The following WDR6 variants were observed in gnomAD, a reference collection of about 807,000 sequenced individuals.
WDR6 encodes tRNA (34-2'-O)-methyltransferase regulator WDR6.
Under a neutral mutation model 85.6 loss-of-function variants are expected in WDR6, and 58 were observed. The ratio of observed to expected loss-of-function variants is 0.68; its 90% CI spans 0.55 to 0.84. The LOEUF (loss-of-function observed/expected upper bound fraction) is 0.84. WDR6 is among the 40% of genes least tolerant of loss of function. The pLI, the probability that WDR6 is intolerant of heterozygous loss-of-function variation, is 0.00. For missense variants in WDR6, 1,310 were observed against 1,476.4 expected (o/e 0.89, Z 1.85); for synonymous variants, 569 against 582.2 (o/e 0.98, Z 0.33).
chr3:49,007,599 C>A lies in WDR6; in HGVS notation c.100+68C>A. On this transcript the variant is annotated intron_variant, in intron 1 of 5. Coordinates refer to ENST00000608424, the MANE Select transcript of WDR6 (RefSeq NM_018031.6). The surrounding 1 kb of genome is among the most constrained non-coding windows in gnomAD (Gnocchi z 5.1). ...AAACAGCGCCTCCCAGGGGCGGTGC[C>A]ACAGGGACAAAAGGGGTGCCCTGAG... 1 of 1,507,738 alleles carries A rather than the reference C, an allele frequency of 6.6e-7. No homozygotes were observed. Among genetic ancestry groups the A allele is most frequent in the Non-Finnish European group, 8.9e-7 (1 of 1,121,194 alleles). The allele number at this position is 1,507,738 out of a possible 1,614,324, so 93.4% of individuals were successfully genotyped here.
Position 49,015,416 on chromosome 3 carries a change from T to C in WDR6, c.*128T>C, listed in dbSNP as rs184448425. 2 of 1,415,024 alleles carry C rather than the reference T, an allele frequency of 1.4e-6. No homozygotes were observed. Among genetic ancestry groups the C allele is most frequent in the East Asian group, 2.3e-5 (1 of 43,488 alleles). The allele number at this position is 1,415,024 out of a possible 1,614,324, so 87.7% of individuals were successfully genotyped here. A position where few individuals can be genotyped will look rare whatever the true frequency, so the allele number is the denominator to read the frequency against. On this transcript the variant is annotated 3_prime_UTR_variant, in exon 6 of 6. Transcript: ENST00000608424. ...GGAGGTGGTGGCCGTGGGTTCCTGA[T>C]GTCGGTGCAGGAGCTGAAGGTGAGT...
At chr3:49,011,368 C>T (rs1045945941) in intron 1 of WDR6, 240 of 1,258,158 alleles carry the variant, frequency 1.9e-4, no homozygotes, top group Non-Finnish European at 2.4e-4. Context: ...CGTGAGCCAC[C>T]GTGCCTGGCC....
intron 1 of WDR6, among the ~76,000 whole-genome samples, chr3:49,009,786 G>T (rs1303313500): frequency 6.6e-6 from 1 of 150,974 alleles, no homozygotes; most frequent in Non-Finnish European, 1.5e-5. Context: ...GGAGTGCAGT[G>T]GTGCAATCTC....
rs2093058236 is a variant in WDR6 at position 49,015,869 on chromosome 3, A to G, written c.*581A>G. 1.9e-6 allele frequency: 3 copies of G among 1,614,182 alleles called. No homozygotes were observed. Among genetic ancestry groups the G allele is most frequent in the Non-Finnish European group, 1.7e-6 (2 of 1,180,038 alleles). Reference sequence around the variant, plus strand: ...ATGCTGAGCTGTACCAGGAACTTGCATATCTAGAGACAGAGACTGAGTCAC... The same window carrying G: ...ATGCTGAGCTGTACCAGGAACTTGCGTATCTAGAGACAGAGACTGAGTCAC... On this transcript the variant is annotated 3_prime_UTR_variant, in exon 6 of 6. Transcript: ENST00000608424.
Position 49,013,134 on chromosome 3 carries a change from G to A in WDR6, c.1600G>A (p.Ala534Thr), listed in dbSNP as rs750163545. 3 of 1,607,930 alleles carry A rather than the reference G, an allele frequency of 1.9e-6. No individual in the cohort carries two copies. In the African/African-American group the frequency reaches 4.0e-5, roughly 21 times the overall value. ...LLKDPGVGGKARAGAGAPVVG... is the reference protein window; with the variant it reads ...LLKDPGVGGKTRAGAGAPVVG... ...CAAGGACCCTGGGGTGGGAGGCAAGGCTCGGGCTGGTGCTGGGGCACCTGT... is the reference window on the plus strand; with the variant it reads ...CAAGGACCCTGGGGTGGGAGGCAAGACTCGGGCTGGTGCTGGGGCACCTGT... The change falls in exon 2 of 6, where the codon GCT becomes ACT. Residue 534 changes from alanine (A) to threonine (T), a missense_variant. Ala to Thr is a moderately conservative substitution (Grantham distance 58). Transcript: ENST00000608424. This position sits in a 1 kb window ranked among gnomAD's most constrained non-coding sequence, Gnocchi z 4.6.
chr3:49,007,802 C>A lies in WDR6; in HGVS notation c.100+271C>A, dbSNP rs1020739164. ...GGGCGGGTGGAACCGCGGGAGGGTG[C>A]AGGGGAACGCGGCCGCGCGGAGGCG... On this transcript the variant is annotated intron_variant, in intron 1 of 5. Coordinates refer to ENST00000608424, the MANE Select transcript of WDR6 (RefSeq NM_018031.6). The surrounding 1 kb of genome is among the most constrained non-coding windows in gnomAD (Gnocchi z 5.1). The A allele has an allele frequency of 1.1e-6, 1 of 880,424 alleles. No homozygotes were observed. Among genetic ancestry groups the A allele is most frequent in the Non-Finnish European group, 1.5e-6 (1 of 666,768 alleles). The allele number at this position is 880,424 out of a possible 1,614,324, so 54.5% of individuals were successfully genotyped here.
chr3:49,013,404 G>C lies in WDR6; in HGVS notation c.1870G>C (p.Asp624His). The C allele has an allele frequency of 6.2e-7, 1 of 1,614,218 alleles. No individual in the cohort carries two copies. The highest frequency in any genetic ancestry group is 8.5e-7 in the Non-Finnish European group (1 of 1,180,026). The change falls in exon 2 of 6, where the codon GAT (aspartate) becomes CAT (histidine). Residue 624 changes from aspartate (D) to histidine (H), a missense_variant. Asp to His is a moderately conservative substitution (Grantham distance 81). Transcript: ENST00000608424. This position sits in a 1 kb window ranked among gnomAD's most constrained non-coding sequence, Gnocchi z 4.6. The stretch of plus-strand genomic sequence containing the variant: ...GCTAGCTGGGCTCCGTATAGTGCCC[G>C]ATGGGAGCATGGTTATCCTGGGTTT... ...NWLAGLRIVP[D>H]GSMVILGFHA...
In WDR6 at chr3:49,011,923, C is replaced by T. The variant is rs754956554; in HGVS notation, c.389C>T (p.Ala130Val). The T allele has an allele frequency of 2.5e-6, 4 of 1,614,216 alleles. No individual in the cohort carries two copies. In the South Asian group the frequency reaches 4.4e-5, roughly 18 times the overall value. The part of the protein sequence containing the change: ...WDARWLEGNI[A>V]LALGHNSVVL... ...GCACGCTGGCTTGAGGGAAATATAG[C>T]CTTGGCCCTGGGCCACAACTCAGTG... Residue 130 changes from alanine to valine, a missense_variant, in exon 2 of 6, where the codon GCC (alanine) becomes GTC (valine). Ala to Val is a moderately conservative substitution (Grantham distance 64). Transcript: ENST00000608424.
rs746530208 is a variant in WDR6, at chr3:49,012,092, C to T, written c.558C>T (p.Val186=). The T allele has an allele frequency of 1.9e-6, 3 of 1,613,910 alleles. No homozygotes were observed. Among genetic ancestry groups the T allele is most frequent in the Non-Finnish European group, 1.7e-6 (2 of 1,180,034 alleles). ...VAGAVSNQLL[V]WYPATALADN... is the part of the protein sequence containing the mutation. ...GTGCTGTTTCCAACCAGCTCTTGGT[C>T]TGGTACCCAGCAACTGCCTTAGCAG... The change falls in exon 2 of 6, where the codon GTC becomes GTT. Residue 186 remains valine, a synonymous_variant. Transcript: ENST00000608424. This position sits in a 1 kb window ranked among gnomAD's most constrained non-coding sequence, Gnocchi z 4.4.
chr3:49,008,132 G>A (rs1052335140), intron 1 of WDR6: 1 of 152,486 alleles, frequency 6.6e-6, no homozygotes, highest in Admixed American at 6.5e-5. Flanking sequence ...TCCGAGTAGG[G>A]GGCGGTGCCC....
chr3:49,014,847 T>G lies in WDR6; in HGVS notation c.2925T>G (p.Thr975=). 6.2e-7 allele frequency: 1 copy of G among 1,605,028 alleles called. No individual in the cohort carries two copies. The highest frequency in any genetic ancestry group is 8.5e-7 in the Non-Finnish European group (1 of 1,173,352). Residue 975 remains threonine, a synonymous_variant, in exon 6 of 6, where the codon ACT becomes ACG. Transcript: ENST00000608424. This position sits in a 1 kb window ranked among gnomAD's most constrained non-coding sequence, Gnocchi z 4.9. ...LPYRLGTPSL[T]LQAHSCGINS... The stretch of plus-strand genomic sequence containing the variant: ...CAGGGCTTGGCACCCCCTCCCTGAC[T>G]CTCCAGGCCCACAGCTGTGGTATCA...
At chr3:49,009,802 A>G (rs936263912) in intron 1 of WDR6, among the ~76,000 whole-genome samples, 14 of 151,106 alleles carry the variant, frequency 9.3e-5, no homozygotes, top group African/African-American at 3.4e-4. Flanking sequence ...ATCTCAGGTC[A>G]CTGCAACTTC....
rs537391394 is a variant in WDR6, at chr3:49,014,352, G to T, written c.2667-31G>T. 1.2e-6 allele frequency: 2 copies of T among 1,614,058 alleles called. No homozygotes were observed. The highest frequency in any genetic ancestry group is 1.3e-5 in the African/African-American group (1 of 75,020). On this transcript the variant is annotated intron_variant, in intron 3 of 5. Transcript: ENST00000608424. The surrounding 1 kb of genome is among the most constrained non-coding windows in gnomAD (Gnocchi z 4.9). ...AAGGAAGTAAGGTTGTCTAGGATGCGTTCTGAGCTGGGCCACCCCCCGCCC... is the reference window on the plus strand; with the variant it reads ...AAGGAAGTAAGGTTGTCTAGGATGCTTTCTGAGCTGGGCCACCCCCCGCCC...
Position 49,014,362 on chromosome 3 carries a change from G to A in WDR6, c.2667-21G>A, listed in dbSNP as rs896396167. Reference sequence around the variant, plus strand: ...GGTTGTCTAGGATGCGTTCTGAGCTGGGCCACCCCCCGCCCCCCAGGCTCT... The same window carrying A: ...GGTTGTCTAGGATGCGTTCTGAGCTAGGCCACCCCCCGCCCCCCAGGCTCT... On this transcript the variant is annotated intron_variant, in intron 3 of 5. Transcript: ENST00000608424. This position sits in a 1 kb window ranked among gnomAD's most constrained non-coding sequence, Gnocchi z 4.9. The A allele has an allele frequency of 1.9e-6, 3 of 1,613,952 alleles. No individual in the cohort carries two copies. The African/African-American group carries it at 4.0e-5, about 22-fold the overall frequency.
chr3:49,013,068 C>T lies in WDR6; in HGVS notation c.1534C>T (p.Arg512Trp), dbSNP rs201452350. ...TGACTTCCTGGTGTGTGGTGACCGC[C>T]GGGGCTCTGTGCTGCTATTCCCCTC... ...PGDFLVCGDRRGSVLLFPSRP... is the reference protein window; with the variant it reads ...PGDFLVCGDRWGSVLLFPSRP... Residue 512 changes from arginine to tryptophan, a missense_variant, in exon 2 of 6, where the codon CGG becomes TGG. Coordinates refer to ENST00000608424, the MANE Select transcript of WDR6 (RefSeq NM_018031.6). The surrounding 1 kb of genome is among the most constrained non-coding windows in gnomAD (Gnocchi z 4.6). 488 of 1,611,084 alleles carry T rather than the reference C, an allele frequency of 3.0e-4. No individual in the cohort carries two copies. Among genetic ancestry groups the T allele is most frequent in the Non-Finnish European group, 3.5e-4 (408 of 1,178,214 alleles).
In WDR6 at chr3:49,013,768, C is replaced by G. The variant is rs1167708052; in HGVS notation, c.2234C>G (p.Thr745Arg). 3 of 1,614,146 alleles carry G rather than the reference C, an allele frequency of 1.9e-6. No homozygotes were observed. The highest frequency in any genetic ancestry group is 2.5e-6 in the Non-Finnish European group (3 of 1,180,006). The change falls in exon 2 of 6, where the codon ACA (threonine) becomes AGA (arginine). Residue 745 changes from threonine (T) to arginine (R), a missense_variant. Physicochemically the swap from Thr to Arg is moderately conservative, Grantham distance 71. Coordinates refer to ENST00000608424, the MANE Select transcript of WDR6 (RefSeq NM_018031.6). The surrounding 1 kb of genome is among the most constrained non-coding windows in gnomAD (Gnocchi z 4.6). ...CCCGACTTGACTGACATTGTGATCA[C>G]ATGTAGTGAGGACACTACTGTCTGT... is the stretch of plus-strand genomic sequence containing the variant. ...EGPDLTDIVITCSEDTTVCVL... is the reference protein window; with the variant it reads ...EGPDLTDIVIRCSEDTTVCVL...
chr3:49,015,613 C>A lies in WDR6; in HGVS notation c.*325C>A, dbSNP rs1378647093. On this transcript the variant is annotated 3_prime_UTR_variant, in exon 6 of 6. Coordinates refer to ENST00000608424, the MANE Select transcript of WDR6 (RefSeq NM_018031.6). ...TTAAATGTGGCTCAGTGGAGGGAGA[C>A]CCAGCATAGCCAGGCCAGTATGGAG... 2 of 1,614,110 alleles carry A rather than the reference C, an allele frequency of 1.2e-6. No homozygotes were observed. Among genetic ancestry groups the A allele is most frequent in the South Asian group, 2.2e-5 (2 of 91,082 alleles).
chr3:49,014,580 T>C lies in WDR6; in HGVS notation c.2784-20T>C, dbSNP rs1273610246. On this transcript the variant is annotated intron_variant, in intron 4 of 5. Coordinates refer to ENST00000608424, the MANE Select transcript of WDR6 (RefSeq NM_018031.6). The surrounding 1 kb of genome is among the most constrained non-coding windows in gnomAD (Gnocchi z 4.9). Reference sequence around the variant, plus strand: ...GCTTCATCTCTGTTATTGACCAGGCTGTCTTTTCCTGGCTCTCAGGAGGCT... The same window carrying C: ...GCTTCATCTCTGTTATTGACCAGGCCGTCTTTTCCTGGCTCTCAGGAGGCT... 7 of 1,613,458 alleles carry C rather than the reference T, an allele frequency of 4.3e-6. No individual in the cohort carries two copies. The highest frequency in any genetic ancestry group is 5.9e-6 in the Non-Finnish European group (7 of 1,179,920).
chr3:49,007,809 A>C lies in WDR6; in HGVS notation c.100+278A>C, dbSNP rs1348340436. ...TGGAACCGCGGGAGGGTGCAGGGGA[A>C]CGCGGCCGCGCGGAGGCGGAGGCGG... is the stretch of plus-strand genomic sequence containing the variant. On this transcript the variant is annotated intron_variant, in intron 1 of 5. Transcript: ENST00000608424. The surrounding 1 kb of genome is among the most constrained non-coding windows in gnomAD (Gnocchi z 5.1). 3 of 781,676 alleles carry C rather than the reference A, an allele frequency of 3.8e-6. No homozygotes were observed. Among genetic ancestry groups the C allele is most frequent in the Non-Finnish European group, 3.4e-6 (2 of 588,176 alleles). The allele number at this position is 781,676 out of a possible 1,614,324, so 48.4% of individuals were successfully genotyped here.
Sources: gnomAD v4.1 joint callset for allele counts (sites outside exome capture counted in the v4.1 genomes callset) on GRCh38, gnomAD v4.1.1 for gene constraint, Gnocchi (gnomAD v3.1) non-coding constraint, MANE v1.5 for transcripts, NCBI Gene and HGNC (gene_info 2026-07-23, HGNC 2026-07-21) for gene names.